The following RAB38 variants were observed in gnomAD, a reference collection of about 807,000 sequenced individuals.
The protein encoded by RAB38 is RAB38, member RAS oncogene family, also known as ras-related protein Rab-38.
RAB38 carries 15 observed loss-of-function variants against 18.4 expected under a neutral mutation model. The observed-to-expected ratio is 0.82, with a 90% confidence interval of 0.55 to 1.26. RAB38 has a LOEUF of 1.26. RAB38 is among the 50% of genes most tolerant of loss of function. The pLI, the probability that RAB38 is intolerant of heterozygous loss-of-function variation, is 0.00. For missense variants in RAB38, 294 were observed against 267.4 expected (o/e 1.10, Z -0.69); for synonymous variants, 101 against 104.4 (o/e 0.97, Z 0.20).
chr11:88,041,907 A>G, the RAB38 span, among the ~76,000 whole-genome samples: 4 of 152,034 alleles, frequency 2.6e-5, no homozygotes, highest in South Asian at 6.2e-4. Context: ...GCCTCCCCTC[A>G]TCCTGCTGGG....
chr11:88,060,281 A>C, the RAB38 span: 3 of 152,210 alleles, frequency 2.0e-5, no homozygotes, highest in African/African-American at 7.2e-5. Context: ...TATTAAGGTA[A>C]GAATTCTTGC....
the RAB38 span, chr11:87,880,217 C>A: frequency 1.3e-5 from 2 of 151,730 alleles, no homozygotes; most frequent in African/African-American, 4.8e-5. Context: ...GTTCACCAAA[C>A]CGCTTCATTT....
intron 1 of RAB38, among the ~76,000 whole-genome samples, chr11:88,165,200 T>C (rs932091626): frequency 6.6e-6 from 1 of 152,154 alleles, no homozygotes. Context: ...CTGTTTATAA[T>C]GCATCAGGAA....
the RAB38 span, among the ~76,000 whole-genome samples, chr11:88,058,660 C>A: frequency 6.6e-6 from 1 of 152,162 alleles, no homozygotes; most frequent in Non-Finnish European, 1.5e-5. Context: ...TCAGTAATTT[C>A]ATGGTCCTGG....
chr11:87,812,309 T>C, the RAB38 span, among the ~76,000 whole-genome samples: 141,703 of 152,190 alleles, frequency 0.93, 66,072 homozygotes, highest in East Asian at 0.98. Context: ...TTAGGCCAAC[T>C]TTACTCTTCT....
Position 88,141,614 on chromosome 11 carries a change from T to A in RAB38, c.483+8061A>T, listed in dbSNP as rs563080765. Among the ~76,000 whole-genome samples, 3 of 152,344 alleles carry A rather than the reference T, an allele frequency of 2.0e-5. No homozygotes were observed. In the East Asian group the frequency reaches 5.8e-4, roughly 29 times the overall value. ...CTAAGAAACTGTTGAATCTTTGAGT[T>A]CAGACTTCTACAGTCCATTAGGATT... On this transcript the variant is annotated intron_variant, in intron 2 of 2. Transcript: ENST00000243662.
At chr11:87,947,620 T>G in the RAB38 span, among the ~76,000 whole-genome samples, 1 of 152,292 alleles carries the variant, frequency 6.6e-6, no homozygotes, top group East Asian at 1.9e-4. Flanking sequence ...TAGCCAGTTT[T>G]CCCAGCACCA....
At chr11:87,851,715 G>A in the RAB38 span, among the ~76,000 whole-genome samples, 3 of 152,114 alleles carry the variant, frequency 2.0e-5, no homozygotes, top group Non-Finnish European at 4.4e-5. Context: ...TTGATCCTAA[G>A]ATTAAACCCT....
chr11:88,173,823 T>A (rs1473371648), intron 1 of RAB38: 5 of 985,340 alleles, frequency 5.1e-6, no homozygotes. Flanking sequence ...TGCATGAATC[T>A]GTTCATCTGT....
the RAB38 span, among the ~76,000 whole-genome samples, chr11:88,041,657 C>G: frequency 6.6e-6 from 1 of 151,948 alleles, no homozygotes; most frequent in South Asian, 2.1e-4. Flanking sequence ...ATGCCTAGCC[C>G]GTGAAATTGA....
the RAB38 span, among the ~76,000 whole-genome samples, chr11:87,961,552 T>G: frequency 6.6e-6 from 1 of 152,092 alleles, no homozygotes; most frequent in African/African-American, 2.4e-5. Flanking sequence ...GAGACCCAAA[T>G]CTAAAAATCA....
At chr11:87,976,488 A>T in the RAB38 span, among the ~76,000 whole-genome samples, 3 of 107,004 alleles carry the variant, frequency 2.8e-5, no homozygotes, top group Non-Finnish European at 5.2e-5. Flanking sequence ...ATATATTTTT[A>T]TATATTTATA....
At chr11:87,903,692 G>A in the RAB38 span, among the ~76,000 whole-genome samples, 45,562 of 150,738 alleles carry the variant, frequency 0.3, 8,682 homozygotes, top group African/African-American at 0.55. Flanking sequence ...GGGCCTATAC[G>A]TTTCTTGGTG....
At chr11:87,859,506 T>C in the RAB38 span, among the ~76,000 whole-genome samples, 1 of 152,066 alleles carries the variant, frequency 6.6e-6, no homozygotes, top group Non-Finnish European at 1.5e-5. Flanking sequence ...TTGTTTAAAT[T>C]GGTAGCATTG....
the RAB38 span, among the ~76,000 whole-genome samples, chr11:87,871,832 G>T: frequency 6.6e-6 from 1 of 151,364 alleles, no homozygotes; most frequent in African/African-American, 2.4e-5. Flanking sequence ...CATGACTTCT[G>T]CGTAGCAATG....
At chr11:88,127,095 GTTAAA>G (rs1389426877) in intron 2 of RAB38, among the ~76,000 whole-genome samples, 2 of 152,168 alleles carry the variant, frequency 1.3e-5, no homozygotes, top group Non-Finnish European at 2.9e-5. Context: ...GATTTTAGAT[GTTAAA>G]TTAAAAATAA....
chr11:88,058,684 CATG>C, the RAB38 span, among the ~76,000 whole-genome samples: 1 of 151,974 alleles, frequency 6.6e-6, no homozygotes, highest in Non-Finnish European at 1.5e-5. Flanking sequence ...TTTTGTTGTG[CATG>C]ATATTTACAG....
the RAB38 span, among the ~76,000 whole-genome samples, chr11:88,101,447 T>C: frequency 1.5e-4 from 23 of 151,982 alleles, no homozygotes; most frequent in African/African-American, 9.7e-5. Context: ...TAATATGATT[T>C]ATATTCACCT....
chr11:88,119,076 T>C (rs1942596336), intron 2 of RAB38, among the ~76,000 whole-genome samples: 1 of 152,150 alleles, frequency 6.6e-6, no homozygotes, highest in South Asian at 2.1e-4. Context: ...AGGAATAAAA[T>C]AGATCCTAGG....
Sources: gnomAD v4.1 joint callset for allele counts (sites outside exome capture counted in the v4.1 genomes callset) on GRCh38, gnomAD v4.1.1 for gene constraint, MANE v1.5 for transcripts, NCBI Gene and HGNC (gene_info 2026-07-23, HGNC 2026-07-21) for gene names.